KCNIP4: variants seen among roughly 807,000 people sequenced by gnomAD.
The protein encoded by KCNIP4 is potassium voltage-gated channel interacting protein 4.
A neutral mutation model predicts 34.0 loss-of-function variants in KCNIP4; 12 were observed. That is an observed-to-expected ratio of 0.35 (90% confidence interval 0.23 to 0.57). The LOEUF is 0.57. Ranked by LOEUF, KCNIP4 falls within the 20% of genes least tolerant of loss-of-function variation. The probability of loss-of-function intolerance (pLI) is 0.83; values close to 1 mark genes in which losing one functional copy is unlikely to be tolerated. For missense variants in KCNIP4, 238 were observed against 311.7 expected, an observed-to-expected ratio of 0.76 and a Z score of 1.78; for synonymous variants, 124 against 102.2, an observed-to-expected ratio of 1.21 and a Z score of -1.29.
chr4:21,567,566 T>C (rs929248781), intron 1 of KCNIP4, among the ~76,000 whole-genome samples: 1 of 152,150 alleles, frequency 6.6e-6, no homozygotes, highest in Middle Eastern at 3.2e-3. Flanking sequence ...CAGCTAACAC[T>C]ATTTGGATTT....
chr4:21,434,234 C>T (rs1202350386), intron 1 of KCNIP4, among the ~76,000 whole-genome samples: 1 of 152,072 alleles, frequency 6.6e-6, no homozygotes, highest in East Asian at 1.9e-4. Context: ...AAGATTTGTC[C>T]ATTACATAGA....
intron 1 of KCNIP4, among the ~76,000 whole-genome samples, chr4:21,791,251 A>C (rs564343748): frequency 6.6e-6 from 1 of 152,110 alleles, no homozygotes; most frequent in South Asian, 2.1e-4. Flanking sequence ...GCGAGCTCTG[A>C]GTTATTTTGT....
chr4:21,632,290 T>C (rs1745819908), intron 1 of KCNIP4, among the ~76,000 whole-genome samples: 1 of 152,182 alleles, frequency 6.6e-6, no homozygotes, highest in African/African-American at 2.4e-5. Flanking sequence ...CTCAGCTCAC[T>C]GCAACCTCTG....
chr4:21,806,974 C>T (rs1578014403), intron 1 of KCNIP4, among the ~76,000 whole-genome samples: 1 of 152,116 alleles, frequency 6.6e-6, no homozygotes, highest in East Asian at 1.9e-4. Flanking sequence ...ATACCACTCA[C>T]CATAATGTAG....
At chr4:20,950,643 G>A (rs961684670) in intron 1 of KCNIP4, among the ~76,000 whole-genome samples, 1 of 151,832 alleles carries the variant, frequency 6.6e-6, no homozygotes, top group Non-Finnish European at 1.5e-5. Flanking sequence ...CCCTTTGTAG[G>A]TTCACAAACT....
chr4:21,004,929 G>A (rs1337902201), intron 1 of KCNIP4, among the ~76,000 whole-genome samples: 1 of 151,924 alleles, frequency 6.6e-6, no homozygotes, highest in East Asian at 1.9e-4. Context: ...AACATATTGA[G>A]GAGCAAGCAG....
chr4:20,963,776 C>T (rs552840663), intron 1 of KCNIP4, among the ~76,000 whole-genome samples: 17 of 151,780 alleles, frequency 1.1e-4, no homozygotes, highest in South Asian at 2.1e-4. Context: ...TCAGGGGAGG[C>T]GAATAAGTGG....
chr4:21,213,934 T>C (rs1285640175), intron 1 of KCNIP4, among the ~76,000 whole-genome samples: 1 of 152,182 alleles, frequency 6.6e-6, no homozygotes, highest in Non-Finnish European at 1.5e-5. Context: ...GAATGTCCCA[T>C]GTCTGCACAG....
At chr4:21,027,416 T>G (rs1740650042) in intron 1 of KCNIP4, among the ~76,000 whole-genome samples, 1 of 151,868 alleles carries the variant, frequency 6.6e-6, no homozygotes, top group South Asian at 2.1e-4. Flanking sequence ...CATTTGGCAT[T>G]AGATTAGATA....
chr4:20,984,057 C>T, intron 1 of KCNIP4: 9 of 1,412,092 alleles, frequency 6.4e-6, no homozygotes, highest in Non-Finnish European at 8.4e-6. Flanking sequence ...CTGGCAGATG[C>T]ACCCTGCAAA....
At chr4:21,266,969 C>G (rs967507405) in intron 1 of KCNIP4, among the ~76,000 whole-genome samples, 2 of 152,168 alleles carry the variant, frequency 1.3e-5, no homozygotes, top group African/African-American at 4.8e-5. Flanking sequence ...GTCACGTAGT[C>G]TATGTCTCAG....
At chr4:21,393,733 T>C (rs1196393476) in intron 1 of KCNIP4, among the ~76,000 whole-genome samples, 2 of 152,176 alleles carry the variant, frequency 1.3e-5, no homozygotes, top group African/African-American at 4.8e-5. Context: ...TGTTATCTGT[T>C]AGAATGTTTT....
chr4:21,018,402 A>T (rs1263261776), intron 1 of KCNIP4, among the ~76,000 whole-genome samples: 2 of 152,230 alleles, frequency 1.3e-5, no homozygotes, highest in Non-Finnish European at 2.9e-5. Context: ...CCTTGCAAAC[A>T]TTCAAGTACA....
chr4:21,882,005 G>C (rs938505855), intron 1 of KCNIP4, among the ~76,000 whole-genome samples: 1 of 152,128 alleles, frequency 6.6e-6, no homozygotes, highest in Non-Finnish European at 1.5e-5. Flanking sequence ...AAGGATCAAG[G>C]CTGGTTCCAA....
chr4:20,783,185 C>T (rs772288156), intron 3 of KCNIP4, among the ~76,000 whole-genome samples: 5 of 152,198 alleles, frequency 3.3e-5, no homozygotes, highest in African/African-American at 4.8e-5. Context: ...AGCCATTCAA[C>T]AAGTCTCTAG....
intron 1 of KCNIP4, chr4:21,697,418 C>A (rs762422945): frequency 1.3e-6 from 2 of 1,564,614 alleles, no homozygotes; most frequent in Non-Finnish European, 1.7e-6. Context: ...ACGTTTACAC[C>A]GCTTTCTACA....
chr4:21,324,990 A>G (rs1335878416), intron 1 of KCNIP4, among the ~76,000 whole-genome samples: 1 of 151,734 alleles, frequency 6.6e-6, no homozygotes, highest in Non-Finnish European at 1.5e-5. Flanking sequence ...GTTAATTCCT[A>G]GGTATTTGAT....
intron 3 of KCNIP4, among the ~76,000 whole-genome samples, chr4:20,844,420 C>A (rs9994494): frequency 6.6e-6 from 1 of 152,152 alleles, no homozygotes; most frequent in Non-Finnish European, 1.5e-5. Flanking sequence ...CTGAACAAAA[C>A]CAATTATTAC....
intron 1 of KCNIP4, among the ~76,000 whole-genome samples, chr4:21,014,394 A>G (rs911341014): frequency 3.3e-5 from 5 of 152,116 alleles, no homozygotes; most frequent in African/African-American, 1.2e-4. Flanking sequence ...CTCTGGAATC[A>G]CCTCGCCTTA....
Sources: allele counts gnomAD v4.1 joint callset (sites outside exome capture counted in the v4.1 genomes callset), GRCh38; gene constraint gnomAD v4.1.1; transcripts MANE v1.5; gene names NCBI Gene and HGNC (gene_info 2026-07-23, HGNC 2026-07-21).